The following CNTNAP2 variants were observed in gnomAD, a reference collection of about 807,000 sequenced individuals.
CNTNAP2 encodes the protein contactin associated protein 2.
In CNTNAP2, 98 loss-of-function variants were observed where a neutral mutation model predicts 155.2. That is an observed-to-expected ratio of 0.63 (90% CI 0.54 to 0.75). CNTNAP2 has a LOEUF of 0.75. Among genes scored for constraint, CNTNAP2 ranks in the 30% least tolerant of loss-of-function variants. CNTNAP2 has a pLI of 0.00. For missense variants in CNTNAP2, 1,727 were observed against 1,688.1 expected, an observed-to-expected ratio of 1.02 and a Z score of -0.40; for synonymous variants, 651 against 631.2, an observed-to-expected ratio of 1.03 and a Z score of -0.47.
chr7:146,616,816 TCA>T (rs980607337), intron 1 of CNTNAP2, among the ~76,000 whole-genome samples: 26 of 151,030 alleles, frequency 1.7e-4, no homozygotes, highest in African/African-American at 6.3e-4. Context: ...TTGCTCAATC[TCA>T]CTGAGAGGAG....
intron 11 of CNTNAP2, among the ~76,000 whole-genome samples, chr7:147,501,390 G>A (rs369904191): frequency 6.6e-6 from 1 of 152,036 alleles, no homozygotes; most frequent in South Asian, 2.1e-4. Flanking sequence ...CAGAGCAATT[G>A]GGTAAGAAGA....
chr7:147,115,912 A>T lies in CNTNAP2; in HGVS notation c.755-5067A>T, dbSNP rs1395900293. On this transcript the variant is annotated intron_variant, in intron 5 of 23. Coordinates refer to ENST00000361727, the MANE Select transcript of CNTNAP2 (RefSeq NM_014141.6). ...GCACTCGGCTTTTTGATTTTTCAGAATTTTTTGCATTGATTGCTTCTCATC... is the reference window on the plus strand; with the variant it reads ...GCACTCGGCTTTTTGATTTTTCAGATTTTTTTGCATTGATTGCTTCTCATC... Among the ~76,000 whole-genome samples, 13 of 152,032 alleles carry T rather than the reference A, an allele frequency of 8.6e-5. No homozygotes were observed. The East Asian group carries it at 2.5e-3, about 29-fold the overall frequency.
intron 14 of CNTNAP2, among the ~76,000 whole-genome samples, chr7:147,929,255 AT>A (rs1381828557): frequency 6.6e-6 from 1 of 152,112 alleles, no homozygotes; most frequent in Non-Finnish European, 1.5e-5. Flanking sequence ...GCTACACAGA[AT>A]TTTAGAAAGG....
At chr7:147,946,028 C>T (rs1025917688) in intron 14 of CNTNAP2, among the ~76,000 whole-genome samples, 8 of 151,768 alleles carry the variant, frequency 5.3e-5, no homozygotes, top group East Asian at 1.9e-4. Context: ...CCACCATGCT[C>T]GGCTGATTTT....
At chr7:147,144,936 G>A (rs979083620) in intron 8 of CNTNAP2, among the ~76,000 whole-genome samples, 1 of 152,104 alleles carries the variant, frequency 6.6e-6, no homozygotes, top group African/African-American at 2.4e-5. Context: ...CTTTGATGAA[G>A]TAAAAAACGT....
intron 1 of CNTNAP2, among the ~76,000 whole-genome samples, chr7:146,612,067 C>A (rs1274866949): frequency 6.6e-6 from 1 of 152,052 alleles, no homozygotes; most frequent in East Asian, 1.9e-4. Context: ...AGATTACAGC[C>A]CCAAGCTTTA....
intron 4 of CNTNAP2, among the ~76,000 whole-genome samples, chr7:147,069,518 AAATT>A (rs1239700624): frequency 4.6e-5 from 7 of 152,224 alleles, no homozygotes; most frequent in Non-Finnish European, 7.3e-5. Context: ...ATTTTCTAAT[AAATT>A]CTATTCACGG....
intron 15 of CNTNAP2, among the ~76,000 whole-genome samples, chr7:148,047,515 G>A (rs1315969219): frequency 1.3e-5 from 2 of 152,094 alleles, no homozygotes; most frequent in African/African-American, 2.4e-5. Context: ...GCGCTTGGGG[G>A]CCATTTGAAA....
chr7:146,197,199 G>A (rs1403768676), intron 1 of CNTNAP2, among the ~76,000 whole-genome samples: 1 of 152,090 alleles, frequency 6.6e-6, no homozygotes, highest in Non-Finnish European at 1.5e-5. Context: ...GTAAAAACCA[G>A]AAAAGAATTA....
chr7:148,005,741 C>T (rs1277898369), intron 15 of CNTNAP2, among the ~76,000 whole-genome samples: 1 of 152,206 alleles, frequency 6.6e-6, no homozygotes, highest in African/African-American at 2.4e-5. Flanking sequence ...TGGCCCAAAA[C>T]AGCCAGTCAG....
chr7:147,032,048 C>T (rs1456783933), intron 3 of CNTNAP2, among the ~76,000 whole-genome samples: 3 of 152,162 alleles, frequency 2.0e-5, no homozygotes, highest in Non-Finnish European at 4.4e-5. Context: ...ATAAAATGTT[C>T]TATATCTTGA....
intron 1 of CNTNAP2, among the ~76,000 whole-genome samples, chr7:146,430,732 A>G (rs1365460953): frequency 1.3e-5 from 2 of 151,994 alleles, no homozygotes; most frequent in African/African-American, 4.8e-5. Flanking sequence ...AATTCTAATT[A>G]TTTTTCTACC....
intron 1 of CNTNAP2, among the ~76,000 whole-genome samples, chr7:146,478,030 A>G (rs1472480190): frequency 6.6e-6 from 1 of 152,190 alleles, no homozygotes; most frequent in Non-Finnish European, 1.5e-5. Context: ...GTAACCCCAG[A>G]CAGAGAGTTG....
At chr7:148,224,687 C>G (rs1367863445) in intron 19 of CNTNAP2, among the ~76,000 whole-genome samples, 1 of 152,170 alleles carries the variant, frequency 6.6e-6, no homozygotes, top group Admixed American at 6.5e-5. Flanking sequence ...TCTCACGCTG[C>G]TATGAAGAAA....
chr7:146,629,558 A>G (rs1414268132), intron 1 of CNTNAP2, among the ~76,000 whole-genome samples: 1 of 152,178 alleles, frequency 6.6e-6, no homozygotes, highest in Non-Finnish European at 1.5e-5. Context: ...TATACCAAGG[A>G]ATTATGGCAT....
intron 17 of CNTNAP2, among the ~76,000 whole-genome samples, chr7:148,154,142 G>A (rs1260197510): frequency 6.6e-6 from 1 of 152,212 alleles, no homozygotes; most frequent in Non-Finnish European, 1.5e-5. Flanking sequence ...AAAAGGAGTT[G>A]AAAAATCACC....
At chr7:146,941,471 T>G (rs1321374146) in intron 3 of CNTNAP2, among the ~76,000 whole-genome samples, 1 of 152,192 alleles carries the variant, frequency 6.6e-6, no homozygotes, top group Non-Finnish European at 1.5e-5. Context: ...TAGTGATTAC[T>G]AATTTAATAG....
chr7:147,606,599 A>C (rs1801067955), intron 12 of CNTNAP2, among the ~76,000 whole-genome samples: 1 of 152,222 alleles, frequency 6.6e-6, no homozygotes, highest in African/African-American at 2.4e-5. Context: ...TACCAATACC[A>C]GATAACCTGT....
chr7:147,445,883 T>G (rs1797727911), intron 10 of CNTNAP2, among the ~76,000 whole-genome samples: 1 of 152,068 alleles, frequency 6.6e-6, no homozygotes, highest in Admixed American at 6.6e-5. Context: ...TAGCCTTGAC[T>G]TCGTGGGCTC....
Sources: gnomAD v4.1 joint callset for allele counts (sites outside exome capture counted in the v4.1 genomes callset) on GRCh38, gnomAD v4.1.1 for gene constraint, MANE v1.5 for transcripts, NCBI Gene and HGNC (gene_info 2026-07-23, HGNC 2026-07-21) for gene names.